ZFAT: variants seen among roughly 807,000 people sequenced by gnomAD.
ZFAT encodes the protein zinc finger and AT-hook domain containing, also known as zinc finger protein ZFAT.
In ZFAT, 64 loss-of-function variants were observed where a neutral mutation model predicts 117.7. The ratio of observed to expected loss-of-function variants is 0.54; its 90% CI spans 0.44 to 0.67. The LOEUF (loss-of-function observed/expected upper bound fraction) is 0.67, where lower values mean the gene tolerates loss of function less well. Among genes scored for constraint, ZFAT ranks in the 30% least tolerant of loss-of-function variants. ZFAT has a pLI of 0.00. For missense variants in ZFAT, 1,433 were observed against 1,584.5 expected, an observed-to-expected ratio of 0.90 and a Z score of 1.62; for synonymous variants, 679 against 615.0, an observed-to-expected ratio of 1.10 and a Z score of -1.54.
intron 12 of ZFAT, among the ~76,000 whole-genome samples, 186 bp downstream of exon 12, chr8:134,532,648 G>A (rs998225468): frequency 1.3e-5 from 2 of 152,210 alleles, no homozygotes; most frequent in African/African-American, 2.4e-5. Flanking sequence ...TATTAACCAG[G>A]CAAGAAGTAA....
chr8:134,720,154 G>C, the ZFAT span, among the ~76,000 whole-genome samples: 4 of 152,206 alleles, frequency 2.6e-5, no homozygotes, highest in Admixed American at 2.0e-4. Context: ...AGTCCTCATG[G>C]ACATTCAATC....
the ZFAT span, among the ~76,000 whole-genome samples, chr8:134,757,094 G>C: frequency 7.3e-6 from 1 of 137,524 alleles, no homozygotes; most frequent in Admixed American, 8.2e-5. Context: ...TGGGCTCACT[G>C]CAACCTCTGC....
the ZFAT span, among the ~76,000 whole-genome samples, chr8:134,735,223 G>C: frequency 6.6e-6 from 1 of 152,278 alleles, no homozygotes; most frequent in Non-Finnish European, 1.5e-5. Flanking sequence ...AGAAAATTTT[G>C]TTGATCTGGG....
At chr8:134,687,618 A>AC (rs551062414) in intron 1 of ZFAT, among the ~76,000 whole-genome samples, 289 of 151,720 alleles carry the variant, frequency 1.9e-3, no homozygotes, top group African/African-American at 6.7e-3. Flanking sequence ...GTACAGGAAC[A>AC]CCCCCTGTCC....
chr8:134,798,666 G>A, the ZFAT span, among the ~76,000 whole-genome samples: 1 of 151,888 alleles, frequency 6.6e-6, no homozygotes, highest in African/African-American at 2.4e-5. Context: ...CATGATCAAA[G>A]ACCTTATTAC....
intron 1 of ZFAT, among the ~76,000 whole-genome samples, chr8:134,696,215 C>T (rs375344911): frequency 3.3e-4 from 50 of 152,096 alleles, no homozygotes; most frequent in Admixed American, 2.7e-3. Flanking sequence ...CCGCCAGGCG[C>T]GGACCATCTC....
chr8:134,680,750 G>A (rs1833035900), intron 1 of ZFAT, among the ~76,000 whole-genome samples: 1 of 152,148 alleles, frequency 6.6e-6, no homozygotes, highest in African/African-American at 2.4e-5. Context: ...GATCAAGGAT[G>A]GTGATGGTTA....
chr8:134,790,260 A>G, the ZFAT span, among the ~76,000 whole-genome samples: 5 of 152,194 alleles, frequency 3.3e-5, no homozygotes, highest in Non-Finnish European at 7.3e-5. Context: ...ACCCCCTAAA[A>G]GGCTCTTGTC....
At chr8:134,637,818 A>G in intron 2 of ZFAT, 106 bp from the exon 3 acceptor site, 1 of 1,450,466 alleles carries the variant, frequency 6.9e-7, no homozygotes, top group South Asian at 1.4e-5. Flanking sequence ...CGTTTCATTA[A>G]AAATGAAAAG....
chr8:134,608,041 T>C (rs576029050), intron 5 of ZFAT, among the ~76,000 whole-genome samples: 1 of 152,318 alleles, frequency 6.6e-6, no homozygotes, highest in South Asian at 2.1e-4. Flanking sequence ...TTGTCCGTAA[T>C]AGTAAAAACT....
chr8:134,714,549 T>TC (rs149861179), upstream of ZFAT, among the ~76,000 whole-genome samples: 950 of 152,282 alleles, frequency 6.2e-3, 11 homozygotes, highest in African/African-American at 0.021. Flanking sequence ...GCCCGCCTGC[T>TC]CCTTAACCCT....
At chr8:134,586,408 T>TTACA (rs1586757912) in intron 9 of ZFAT, among the ~76,000 whole-genome samples, 2 of 152,194 alleles carry the variant, frequency 1.3e-5, no homozygotes, top group East Asian at 3.9e-4. Flanking sequence ...AGCAGACACA[T>TTACA]TACAGATAAA....
intron 9 of ZFAT, 142 bp downstream of exon 9, chr8:134,588,104 T>A: frequency 9.9e-7 from 1 of 1,007,658 alleles, no homozygotes; most frequent in Non-Finnish European, 1.4e-6. Flanking sequence ...TTGTAGCTGG[T>A]TGATGGACAC....
chr8:134,480,699 A>G (rs1817240282), intron 15 of ZFAT, among the ~76,000 whole-genome samples: 1 of 152,102 alleles, frequency 6.6e-6, no homozygotes, highest in African/African-American at 2.4e-5. Flanking sequence ...GGGAGCAGCA[A>G]GTGTGTTCGG....
chr8:134,519,354 T>A (rs1457128145), intron 13 of ZFAT, among the ~76,000 whole-genome samples: 1 of 152,204 alleles, frequency 6.6e-6, no homozygotes, highest in Non-Finnish European at 1.5e-5. Flanking sequence ...TTTTATAAGG[T>A]TTATGCCTAG....
At chr8:134,728,113 T>A in the ZFAT span, among the ~76,000 whole-genome samples, 2 of 151,944 alleles carry the variant, frequency 1.3e-5, no homozygotes, top group South Asian at 2.1e-4. Flanking sequence ...ATTCTATTTT[T>A]AAAAACTTGA....
chr8:134,566,087 C>T (rs1336487292), intron 10 of ZFAT, among the ~76,000 whole-genome samples: 20 of 151,958 alleles, frequency 1.3e-4, no homozygotes, highest in African/African-American at 4.4e-4. Flanking sequence ...AAGTAAACCA[C>T]TGGTCTTAAA....
At chr8:134,525,696 T>A (rs1820979405) in intron 12 of ZFAT, among the ~76,000 whole-genome samples, 1 of 152,214 alleles carries the variant, frequency 6.6e-6, no homozygotes, top group Non-Finnish European at 1.5e-5. Flanking sequence ...GCCAGCCACA[T>A]GCAGCCCCAG....
chr8:134,676,018 A>G (rs140544744), intron 1 of ZFAT, among the ~76,000 whole-genome samples: 11,849 of 152,190 alleles, frequency 0.078, 631 homozygotes, highest in African/African-American at 0.15. Context: ...CATCAATGCT[A>G]TGAAGAAACT....
Sources: gnomAD v4.1 joint callset for allele counts (sites outside exome capture counted in the v4.1 genomes callset) on GRCh38, gnomAD v4.1.1 for gene constraint, MANE v1.5 for transcripts, NCBI Gene and HGNC (gene_info 2026-07-23, HGNC 2026-07-21) for gene names.